Variants in MICAL3 observed in about 807,000 individuals in gnomAD.
The protein encoded by MICAL3 is [F-actin]-monooxygenase MICAL3.
MICAL3 carries 62 observed loss-of-function variants against 207.4 expected under a neutral mutation model. That is an observed-to-expected ratio of 0.30 (90% CI 0.24 to 0.37). The LOEUF (loss-of-function observed/expected upper bound fraction) is 0.37. Ranked by LOEUF, MICAL3 falls within the 10% of genes least tolerant of loss-of-function variation. The pLI is 1.00. For synonymous variants in MICAL3, 1,077 were observed against 1,069.3 expected (o/e 1.01, Z -0.14); for missense variants, 2,368 against 2,635.6 (o/e 0.90, Z 2.22).
At chr22:17,989,544 A>C (rs1921427993) in intron 1 of MICAL3, among the ~76,000 whole-genome samples, 1 of 152,006 alleles carries the variant, frequency 6.6e-6, no homozygotes, top group Admixed American at 6.5e-5. Context: ...CTGCCCCTGA[A>C]TGCATGCTGC....
At chr22:17,865,827 G>A in intron 18 of MICAL3, 97 bp downstream of exon 18, 1 of 943,434 alleles carries the variant, frequency 1.1e-6, no homozygotes. Context: ...GAGAGGCAAG[G>A]ACGCAGGGGC....
intron 16 of MICAL3, among the ~76,000 whole-genome samples, chr22:17,879,660 T>C (rs1181481433): frequency 1.3e-5 from 2 of 152,142 alleles, no homozygotes; most frequent in Non-Finnish European, 2.9e-5. Context: ...CTATGGTTAG[T>C]ACAAAGGTGG....
intron 13 of MICAL3, among the ~76,000 whole-genome samples, chr22:17,887,951 C>T (rs570848282): frequency 2.5e-4 from 38 of 152,158 alleles, no homozygotes; most frequent in Non-Finnish European, 4.3e-4. Flanking sequence ...AACGTCATGG[C>T]TAACCAGGAA....
chr22:17,999,725 C>T (rs186236808), intron 1 of MICAL3, among the ~76,000 whole-genome samples: 1 of 152,280 alleles, frequency 6.6e-6, no homozygotes, highest in African/African-American at 2.4e-5. Context: ...GCGCTGTAAA[C>T]ACAAATAAAC....
intron 1 of MICAL3, among the ~76,000 whole-genome samples, chr22:17,999,657 G>T (rs377193674): frequency 1.2e-4 from 18 of 152,316 alleles, no homozygotes; most frequent in East Asian, 7.7e-4. Flanking sequence ...CATCCCAGGT[G>T]GGGGTTTGGG....
chr22:17,979,187 G>A (rs1935791459), intron 1 of MICAL3, among the ~76,000 whole-genome samples: 1 of 151,860 alleles, frequency 6.6e-6, no homozygotes, highest in Admixed American at 6.6e-5. Context: ...AAACCCTGAG[G>A]GGAGTAACCA....
intron 1 of MICAL3, among the ~76,000 whole-genome samples, chr22:17,996,218 T>C (rs1240074707): frequency 1.4e-5 from 2 of 147,890 alleles, no homozygotes; most frequent in African/African-American, 5.0e-5. Flanking sequence ...GGCCAGTGGA[T>C]CACAAGGTCA....
chr22:17,992,474 G>A (rs1294747089), intron 1 of MICAL3, among the ~76,000 whole-genome samples: 79 of 152,202 alleles, frequency 5.2e-4, no homozygotes, highest in Non-Finnish European at 1.5e-5. Context: ...GGCTGACAAT[G>A]CATCCAACCC....
chr22:17,810,103 C>T lies in MICAL3; in HGVS notation c.5556+600G>A, dbSNP rs1212021720. On this transcript the variant is annotated intron_variant, in intron 28 of 31. Transcript: ENST00000441493. ...TTTGAGACAGAGTCTCTCTGTGTCG[C>T]CTAGGCTGGGGTGCAGTGGCACAAT... 7.6e-5 allele frequency among the ~76,000 whole-genome samples: 11 copies of T among 143,956 alleles called. No individual in the cohort carries two copies. In the East Asian group the frequency reaches 1.7e-3, roughly 22 times the overall value. The allele number at this position is 143,956 out of a possible 152,430, so 94.4% of individuals were successfully genotyped here. A position where few individuals can be genotyped will look rare whatever the true frequency, so the allele number is the denominator to read the frequency against.
At position 17,895,307 on chromosome 22, in the gene MICAL3, C is replaced by T. The variant is rs766651680; in HGVS notation, c.1426G>A (p.Val476Ile). Residue 476 changes from valine to isoleucine, a missense_variant, in exon 10 of 32, where the codon GTC becomes ATC. Physicochemically the swap from Val to Ile is conservative, Grantham distance 29. Coordinates refer to ENST00000441493, the MANE Select transcript of MICAL3 (RefSeq NM_015241.3). ...ACCTGGCTTGGCCGGAGGAAGTTGA[C>T]GTTGATATTGGGATACCGAGTGACA... ...DPVTRYPNIN[V>I]NFLRPSQVRH... The T allele has an allele frequency of 1.2e-5, 20 of 1,613,524 alleles. No homozygotes were observed. Among genetic ancestry groups the T allele is most frequent in the Admixed American group, 1.7e-5 (1 of 59,962 alleles).
intron 1 of MICAL3, among the ~76,000 whole-genome samples, chr22:17,932,004 A>C (rs1159925161): frequency 6.6e-6 from 1 of 152,228 alleles, no homozygotes; most frequent in Non-Finnish European, 1.5e-5. Context: ...AAATACAGAC[A>C]ATAAACAAGT....
chr22:17,791,057 T>C lies in MICAL3; in HGVS notation c.5765A>G (p.Glu1922Gly). ...CAGTCGACTCTGCCGGTCTTCCAGCTCCAGCTCCCGGGCACTGAGGAGGCA... is the reference window on the plus strand; with the variant it reads ...CAGTCGACTCTGCCGGTCTTCCAGCCCCAGCTCCCGGGCACTGAGGAGGCA... ...SELMIFAREL[E>G]LEDRQSRLQQ... is the part of the protein sequence containing the mutation. The change falls in exon 31 of 32, where the codon GAG becomes GGG. Residue 1922 changes from glutamate (E) to glycine (G), a missense_variant. Glu to Gly is a moderately conservative substitution (Grantham distance 98). Around this residue, in one of 4 missense-constraint regions of MICAL3, gnomAD observed 1,770 missense variants for 1,863.2 expected, o/e 0.95. Transcript: ENST00000441493. The C allele has an allele frequency of 6.2e-7, 1 of 1,611,714 alleles. No individual in the cohort carries two copies. The highest frequency in any genetic ancestry group is 8.5e-7 in the Non-Finnish European group (1 of 1,179,704).
At chr22:17,977,530 C>G (rs1446644103) in intron 1 of MICAL3, among the ~76,000 whole-genome samples, 7 of 133,352 alleles carry the variant, frequency 5.2e-5, no homozygotes, top group African/African-American at 1.3e-4. Flanking sequence ...ACTAGGAAGA[C>G]TATAATAAAA....
intron 1 of MICAL3, among the ~76,000 whole-genome samples, chr22:17,974,979 C>T (rs1312610536): frequency 2.6e-5 from 4 of 152,212 alleles, no homozygotes; most frequent in Non-Finnish European, 5.9e-5. Context: ...TGGGCCCAGG[C>T]AGCTGGACTC....
At chr22:17,906,365 C>G (rs974986250) in intron 2 of MICAL3, among the ~76,000 whole-genome samples, 184 bp downstream of exon 2, 3 of 152,212 alleles carry the variant, frequency 2.0e-5, no homozygotes, top group African/African-American at 7.2e-5. Context: ...CAGCCTACCT[C>G]TAACTCAATC....
chr22:17,904,287 G>A (rs1931552724), intron 3 of MICAL3, among the ~76,000 whole-genome samples: 1 of 152,242 alleles, frequency 6.6e-6, no homozygotes, highest in Non-Finnish European at 1.5e-5. Context: ...CCACCAGAGG[G>A]TCTGGGCCCA....
intron 1 of MICAL3, among the ~76,000 whole-genome samples, chr22:18,012,001 A>G (rs993485632): frequency 1.8e-4 from 28 of 152,030 alleles, no homozygotes; most frequent in Admixed American, 6.5e-5. Flanking sequence ...TTGAAAGGCC[A>G]AGGTGGGCAG....
chr22:17,920,772 G>A (rs1228677155), intron 1 of MICAL3, among the ~76,000 whole-genome samples: 1 of 152,084 alleles, frequency 6.6e-6, no homozygotes, highest in Non-Finnish European at 1.5e-5. Flanking sequence ...ATGGAAATCT[G>A]GGGTCATCTC....
At chr22:17,890,255 A>G (rs1366083452) in intron 12 of MICAL3, among the ~76,000 whole-genome samples, 1 of 152,134 alleles carries the variant, frequency 6.6e-6, no homozygotes. Context: ...CTCTGAAACT[A>G]TGACCTCACT....
Sources: gnomAD v4.1 joint callset for allele counts (sites outside exome capture counted in the v4.1 genomes callset) on GRCh38, gnomAD v4.1.1 for gene constraint, gnomAD v4.1.1 regional missense constraint, MANE v1.5 for transcripts, NCBI Gene and HGNC (gene_info 2026-07-23, HGNC 2026-07-21) for gene names.